Variants in KLHL14 observed in about 807,000 individuals in gnomAD.
The protein encoded by KLHL14 is kelch-like protein 14.
In KLHL14, 22 loss-of-function variants were observed where a neutral mutation model predicts 64.3. The ratio of observed to expected loss-of-function variants is 0.34; its 90% CI spans 0.24 to 0.49. KLHL14 has a LOEUF of 0.49. Ranked by LOEUF, KLHL14 falls within the 20% of genes least tolerant of loss-of-function variation. The probability of loss-of-function intolerance (pLI) is 0.99; values close to 1 mark genes in which losing one functional copy is unlikely to be tolerated. For synonymous variants in KLHL14, 322 were observed against 333.4 expected (o/e 0.97, Z 0.37); for missense variants, 661 against 789.0 (o/e 0.84, Z 1.94).
intron 3 of KLHL14, among the ~76,000 whole-genome samples, chr18:32,700,207 A>C (rs1349963552): frequency 2.6e-5 from 4 of 152,174 alleles, no homozygotes; most frequent in Non-Finnish European, 5.9e-5. Context: ...CTGTGCCAAG[A>C]ATATAGACTT....
At chr18:32,737,462 C>G (rs1414417232) in intron 3 of KLHL14, 1 of 152,134 alleles carries the variant, frequency 6.6e-6, no homozygotes, top group Non-Finnish European at 1.5e-5. Flanking sequence ...ACAACTAAAC[C>G]ATTCTGCATT....
intron 2 of KLHL14, among the ~76,000 whole-genome samples, chr18:32,761,266 T>A (rs1422916944): frequency 6.6e-6 from 1 of 152,164 alleles, no homozygotes; most frequent in Non-Finnish European, 1.5e-5. Context: ...CTTTTTTCAG[T>A]TCAACTGAAA....
chr18:32,684,297 G>A (rs2049859407), intron 5 of KLHL14, among the ~76,000 whole-genome samples: 1 of 152,200 alleles, frequency 6.6e-6, no homozygotes, highest in Non-Finnish European at 1.5e-5. Context: ...CTGACTCATG[G>A]TTGAGTGAGT....
chr18:32,755,075 C>CT lies in KLHL14; in HGVS notation c.948-13027dup, dbSNP rs1462997810. Among the ~76,000 whole-genome samples, 5 of 152,072 alleles carry CT rather than the reference C, an allele frequency of 3.3e-5. No individual in the cohort carries two copies. The East Asian group carries it at 9.7e-4, about 29-fold the overall frequency. On this transcript the variant is annotated intron_variant, in intron 2 of 8. Coordinates refer to ENST00000359358, the MANE Select transcript of KLHL14 (RefSeq NM_020805.3). ...TGCTGCTGTGGGTGAAATGGAATCT[C>CT]TTATCTTCCTCTGCTTTTCCTCTCC...
At chr18:32,696,582 G>A (rs954821735) in intron 3 of KLHL14, among the ~76,000 whole-genome samples, 24 of 152,164 alleles carry the variant, frequency 1.6e-4, no homozygotes, top group African/African-American at 5.5e-4. Context: ...TTCAGGCAGG[G>A]AACTTATTCC....
chr18:32,757,109 G>A (rs2144545409), intron 2 of KLHL14, among the ~76,000 whole-genome samples: 1 of 152,270 alleles, frequency 6.6e-6, no homozygotes, highest in Non-Finnish European at 1.5e-5. Flanking sequence ...GATTGTTCAT[G>A]AAGATACATA....
At chr18:32,700,473 A>G (rs1002742983) in intron 3 of KLHL14, among the ~76,000 whole-genome samples, 1 of 152,116 alleles carries the variant, frequency 6.6e-6, no homozygotes, top group Non-Finnish European at 1.5e-5. Flanking sequence ...AATCTCTGCT[A>G]CTGTGTTCTC....
intron 2 of KLHL14, among the ~76,000 whole-genome samples, chr18:32,746,623 A>G (rs1023434925): frequency 2.4e-4 from 37 of 152,240 alleles, no homozygotes; most frequent in African/African-American, 8.2e-4. Context: ...TAGATTGCAA[A>G]AAAACTTTTA....
intron 3 of KLHL14, among the ~76,000 whole-genome samples, chr18:32,709,331 G>T (rs2050006773): frequency 6.6e-6 from 1 of 152,162 alleles, no homozygotes; most frequent in South Asian, 2.1e-4. Flanking sequence ...CATCATTTAA[G>T]TCAGGTGTCT....
chr18:32,672,821 C>G lies in KLHL14; in HGVS notation c.*1836G>C, dbSNP rs1339080825. The G allele has an allele frequency of 6.6e-6, 1 of 152,510 alleles. No individual in the cohort carries two copies. The highest frequency in any genetic ancestry group is 1.5e-5 in the Non-Finnish European group (1 of 67,990). 9.4% of individuals were successfully genotyped at this position (152,510 alleles called of 1,614,324 possible). On this transcript the variant is annotated 3_prime_UTR_variant, in exon 9 of 9. Transcript: ENST00000359358. ...TTATGTCTCTCTGAAATACAGAAAG[C>G]TTTACTTATAATTCTCATAAATGCT...
intron 3 of KLHL14, among the ~76,000 whole-genome samples, chr18:32,710,913 G>T (rs1004552374): frequency 2.6e-5 from 4 of 151,820 alleles, no homozygotes; most frequent in African/African-American, 9.7e-5. Context: ...GGAGCAATGG[G>T]ATGTAAAGTG....
chr18:32,732,522 G>T (rs370266177), intron 3 of KLHL14, among the ~76,000 whole-genome samples: 2 of 152,174 alleles, frequency 1.3e-5, no homozygotes, highest in South Asian at 4.1e-4. Context: ...ATTAGATGTG[G>T]CTGAGCAATT....
intron 3 of KLHL14, among the ~76,000 whole-genome samples, chr18:32,732,068 A>G (rs529919467): frequency 4.3e-4 from 65 of 152,122 alleles, no homozygotes; most frequent in Non-Finnish European, 9.1e-4. Flanking sequence ...CACTAAAAAT[A>G]CAAAAATTAG....
At chr18:32,752,093 C>T (rs547291092) in intron 2 of KLHL14, among the ~76,000 whole-genome samples, 7 of 152,198 alleles carry the variant, frequency 4.6e-5, no homozygotes, top group African/African-American at 1.7e-4. Flanking sequence ...CGTCACTGCA[C>T]TCCAGGCTGG....
At chr18:32,711,264 G>T (rs2144500297) in intron 3 of KLHL14, among the ~76,000 whole-genome samples, 1 of 152,224 alleles carries the variant, frequency 6.6e-6, no homozygotes, top group African/African-American at 2.4e-5. Flanking sequence ...AAAAGAAAAA[G>T]ACCATTAATT....
intron 3 of KLHL14, among the ~76,000 whole-genome samples, chr18:32,741,282 A>G (rs1568079811): frequency 1.3e-5 from 2 of 152,214 alleles, no homozygotes; most frequent in Admixed American, 6.5e-5. Flanking sequence ...CGATATAACA[A>G]TAAGTTCCAA....
intron 3 of KLHL14, among the ~76,000 whole-genome samples, chr18:32,712,170 T>C (rs2050022579): frequency 6.6e-6 from 1 of 152,202 alleles, no homozygotes; most frequent in South Asian, 2.1e-4. Flanking sequence ...GATCTAATGA[T>C]CTGCAAAGTC....
chr18:32,722,981 AACCT>A (rs2050087386), intron 3 of KLHL14, among the ~76,000 whole-genome samples: 1 of 151,992 alleles, frequency 6.6e-6, no homozygotes, highest in African/African-American at 2.4e-5. Context: ...CAAAAACAAA[AACCT>A]AACAGGCGTG....
chr18:32,732,174 AG>A (rs2050140360), intron 3 of KLHL14, among the ~76,000 whole-genome samples: 1 of 152,214 alleles, frequency 6.6e-6, no homozygotes. Context: ...CAGTGAGTTG[AG>A]ATTGTGCCAC....
Sources: allele counts gnomAD v4.1 joint callset (sites outside exome capture counted in the v4.1 genomes callset), GRCh38; gene constraint gnomAD v4.1.1; transcripts MANE v1.5; gene names NCBI Gene and HGNC (gene_info 2026-07-23, HGNC 2026-07-21).